The following ADARB2 variants were observed in gnomAD, a reference collection of about 807,000 sequenced individuals.
The protein encoded by ADARB2 is inactive double-stranded RNA-specific editase B2.
In ADARB2, 25 loss-of-function variants were observed where a neutral mutation model predicts 62.2. That is an observed-to-expected ratio of 0.40 (90% confidence interval 0.29 to 0.56). The LOEUF is 0.56. Among genes scored for constraint, ADARB2 ranks in the 20% least tolerant of loss-of-function variants. The probability of loss-of-function intolerance (pLI) is 0.43; values close to 1 mark genes in which losing one functional copy is unlikely to be tolerated. For synonymous variants in ADARB2, 572 were observed against 500.8 expected, an observed-to-expected ratio of 1.14 and a Z score of -1.90; for missense variants, 1,071 against 1,077.4, an observed-to-expected ratio of 0.99 and a Z score of 0.08.
chr10:1,436,662 C>T (rs914016377), intron 1 of ADARB2, among the ~76,000 whole-genome samples: 9 of 152,202 alleles, frequency 5.9e-5, no homozygotes, highest in African/African-American at 1.9e-4. Flanking sequence ...AGATACATCT[C>T]AATTTCCCTC....
rs1833046954 is a variant in ADARB2 at position 1,578,167 on chromosome 10, G to A, written c.100+158884C>T. ...CACCCCATAGGATGGAAATTTGAACGAGGTGAACTTAAGGGGTTCCCAGCA... is the reference window on the plus strand; with the variant it reads ...CACCCCATAGGATGGAAATTTGAACAAGGTGAACTTAAGGGGTTCCCAGCA... On this transcript the variant is annotated intron_variant, in intron 1 of 9. Transcript: ENST00000381312. Among the ~76,000 whole-genome samples the A allele has an allele frequency of 2.0e-5, 3 of 152,158 alleles. No individual in the cohort carries two copies. The South Asian group carries it at 6.2e-4, about 32-fold the overall frequency.
At chr10:1,379,740 T>C (rs568612619) in intron 1 of ADARB2, among the ~76,000 whole-genome samples, 2 of 152,276 alleles carry the variant, frequency 1.3e-5, no homozygotes, top group East Asian at 3.9e-4. Context: ...CCAAGCGTCC[T>C]CAACGCGGTG....
At position 1,241,993 on chromosome 10, in the gene ADARB2, A is replaced by C. The variant is rs144684391; in HGVS notation, c.1361+138T>G. ...GCCAGGGATGTCTCTAGTCTGAATA[A>C]AAAGGGATGCTTTCTGGCTCACCCT... On this transcript the variant is annotated intron_variant, in intron 5 of 9. Transcript: ENST00000381312. The C allele has an allele frequency of 1.2e-4, 119 of 961,896 alleles. 1 individual carries two copies. In the East Asian group the frequency reaches 3.1e-3, roughly 25 times the overall value. 59.6% of individuals were successfully genotyped at this position (961,896 alleles called of 1,614,324 possible). A position where few individuals can be genotyped will look rare whatever the true frequency, so the allele number is the denominator to read the frequency against.
intron 1 of ADARB2, among the ~76,000 whole-genome samples, chr10:1,627,135 G>C (rs117419064): frequency 3.3e-5 from 5 of 152,158 alleles, no homozygotes; most frequent in Non-Finnish European, 7.4e-5. Context: ...CGGGTGAATC[G>C]TTAGCTCCTC....
At chr10:1,222,222 G>C (rs899024963) in intron 6 of ADARB2, among the ~76,000 whole-genome samples, 1 of 152,196 alleles carries the variant, frequency 6.6e-6, no homozygotes, top group Admixed American at 6.5e-5. Flanking sequence ...CTTTTTTTGA[G>C]AAGTGTTTGT....
intron 1 of ADARB2, among the ~76,000 whole-genome samples, chr10:1,380,445 C>T (rs1250772136): frequency 6.6e-6 from 1 of 152,224 alleles, no homozygotes; most frequent in Non-Finnish European, 1.5e-5. Flanking sequence ...CCACAGGTGC[C>T]CCACCGTGGC....
At chr10:1,356,275 G>A (rs1832194304) in intron 3 of ADARB2, among the ~76,000 whole-genome samples, 1 of 152,214 alleles carries the variant, frequency 6.6e-6, no homozygotes, top group African/African-American at 2.4e-5. Flanking sequence ...GTGAGGTGCT[G>A]AAAGAAAGCA....
At chr10:1,227,496 G>A (rs997662111) in intron 6 of ADARB2, among the ~76,000 whole-genome samples, 2 of 152,174 alleles carry the variant, frequency 1.3e-5, no homozygotes, top group Non-Finnish European at 2.9e-5. Flanking sequence ...CTTCTGCGTC[G>A]CTCACGCTGG....
intron 1 of ADARB2, among the ~76,000 whole-genome samples, chr10:1,470,356 G>A (rs548241752): frequency 6.6e-6 from 1 of 152,338 alleles, no homozygotes; most frequent in Non-Finnish European, 1.5e-5. Flanking sequence ...TCCACGCACA[G>A]CATATCCTTC....
intron 1 of ADARB2, among the ~76,000 whole-genome samples, chr10:1,542,836 A>G (rs1198204633): frequency 7.8e-6 from 1 of 128,364 alleles, no homozygotes; most frequent in Non-Finnish European, 1.6e-5. Flanking sequence ...CAGACCCTGG[A>G]TCACAGCCGC....
At chr10:1,581,128 A>C (rs1046541638) in intron 1 of ADARB2, among the ~76,000 whole-genome samples, 1 of 152,218 alleles carries the variant, frequency 6.6e-6, no homozygotes, top group African/African-American at 2.4e-5. Context: ...ACGGCCCTCT[A>C]TATCCTCGCC....
intron 4 of ADARB2, among the ~76,000 whole-genome samples, chr10:1,270,329 A>G (rs1409338805): frequency 6.6e-6 from 1 of 152,178 alleles, no homozygotes; most frequent in Non-Finnish European, 1.5e-5. Context: ...ATGACTCCCA[A>G]GTGTGTGAGA....
intron 7 of ADARB2, among the ~76,000 whole-genome samples, chr10:1,204,398 C>G (rs1398057395): frequency 2.6e-5 from 4 of 152,182 alleles, no homozygotes; most frequent in Non-Finnish European, 5.9e-5. Flanking sequence ...CAAAGCACGG[C>G]AAAGCAGAAA....
chr10:1,362,307 G>A (rs11250461), intron 3 of ADARB2, among the ~76,000 whole-genome samples: 56,947 of 152,228 alleles, frequency 0.37, 12,002 homozygotes, highest in Middle Eastern at 0.59. Flanking sequence ...CCCGTGGAGT[G>A]TGCTTTCATT....
At chr10:1,611,245 G>C (rs564269763) in intron 1 of ADARB2, among the ~76,000 whole-genome samples, 1 of 152,258 alleles carries the variant, frequency 6.6e-6, no homozygotes, top group Non-Finnish European at 1.5e-5. Context: ...TCCAGCGGCC[G>C]ATCTTTCTTC....
chr10:1,675,461 C>A (rs1415548372), intron 1 of ADARB2: 8 of 976,852 alleles, frequency 8.2e-6, no homozygotes, highest in Admixed American at 6.7e-5. Flanking sequence ...CATGGATGTT[C>A]TGGAGGTTTG....
chr10:1,698,167 T>G (rs1834772184), intron 1 of ADARB2, among the ~76,000 whole-genome samples: 1 of 152,210 alleles, frequency 6.6e-6, no homozygotes, highest in Non-Finnish European at 1.5e-5. Context: ...TTTAATCAGA[T>G]GGTAAAGACT....
At chr10:1,456,748 G>T (rs1831100960) in intron 1 of ADARB2, among the ~76,000 whole-genome samples, 1 of 152,132 alleles carries the variant, frequency 6.6e-6, no homozygotes, top group Admixed American at 6.5e-5. Flanking sequence ...ATAAATAGTT[G>T]AGACTTCTGT....
At chr10:1,610,861 T>C (rs1833561823) in intron 1 of ADARB2, among the ~76,000 whole-genome samples, 1 of 151,562 alleles carries the variant, frequency 6.6e-6, no homozygotes, top group South Asian at 2.1e-4. Flanking sequence ...GACACACCCA[T>C]ACATACACAT....
Sources: gnomAD v4.1 joint callset for allele counts (sites outside exome capture counted in the v4.1 genomes callset) on GRCh38, gnomAD v4.1.1 for gene constraint, MANE v1.5 for transcripts, NCBI Gene and HGNC (gene_info 2026-07-23, HGNC 2026-07-21) for gene names.